The following SLC13A3 variants were observed in gnomAD, a reference collection of about 807,000 sequenced individuals.
The protein encoded by SLC13A3 is Na(+)/dicarboxylate cotransporter 3.
SLC13A3 carries 40 observed loss-of-function variants against 59.0 expected under a neutral mutation model. That is an observed-to-expected ratio of 0.68 (90% confidence interval 0.53 to 0.88). SLC13A3 has a LOEUF of 0.88. Ranked by LOEUF, SLC13A3 falls within the 40% of genes least tolerant of loss-of-function variation. The pLI, the probability that SLC13A3 is intolerant of heterozygous loss-of-function variation, is 0.00. For missense variants in SLC13A3, 699 were observed against 783.2 expected (o/e 0.89, Z 1.28); for synonymous variants, 317 against 330.3 (o/e 0.96, Z 0.44).
At chr20:46,563,089 C>T (rs910391390) in intron 12 of SLC13A3, among the ~76,000 whole-genome samples, 1 of 152,122 alleles carries the variant, frequency 6.6e-6, no homozygotes, top group African/African-American at 2.4e-5. Flanking sequence ...GCACTGAGGC[C>T]CACCCCTGAG....
At chr20:46,561,356 T>C (rs1215122382) in intron 12 of SLC13A3, among the ~76,000 whole-genome samples, 1 of 152,186 alleles carries the variant, frequency 6.6e-6, no homozygotes, top group Non-Finnish European at 1.5e-5. Flanking sequence ...CACAGGCGTA[T>C]GTCCTTAACT....
chr20:46,647,437 C>T (rs1235627890), intron 1 of SLC13A3, among the ~76,000 whole-genome samples: 1 of 152,138 alleles, frequency 6.6e-6, no homozygotes. Context: ...CCCATCTGTG[C>T]CCACTAGCTA....
intron 1 of SLC13A3, among the ~76,000 whole-genome samples, chr20:46,647,866 G>A (rs568723461): frequency 6.6e-6 from 1 of 152,122 alleles, no homozygotes; most frequent in African/African-American, 2.4e-5. Flanking sequence ...CACACTGCCT[G>A]GTAAATGACA....
chr20:46,588,247 G>T, intron 7 of SLC13A3, 84 bp from the exon 8 acceptor site: 1 of 750,514 alleles, frequency 1.3e-6, no homozygotes, highest in East Asian at 2.7e-5. Context: ...GCTGCCCACT[G>T]GGAGTGACTG....
upstream of SLC13A3, among the ~76,000 whole-genome samples, chr20:46,654,198 T>C (rs1015445539): frequency 1.3e-5 from 2 of 152,234 alleles, no homozygotes; most frequent in Non-Finnish European, 1.5e-5. Flanking sequence ...CTAATGATTA[T>C]TGATGTTGAA....
intron 9 of SLC13A3, among the ~76,000 whole-genome samples, chr20:46,578,106 T>C (rs1235260095): frequency 6.6e-6 from 1 of 151,928 alleles, no homozygotes; most frequent in Non-Finnish European, 1.5e-5. Context: ...TTGTGTATTT[T>C]TTTTTAGTAG....
At chr20:46,574,134 T>C (rs2062052365) in intron 10 of SLC13A3, among the ~76,000 whole-genome samples, 1 of 152,160 alleles carries the variant, frequency 6.6e-6, no homozygotes. Context: ...TGATAGTAGC[T>C]GATTCAGTGG....
chr20:46,664,623 A>G (rs574358641), intron 1 of SLC13A3, among the ~76,000 whole-genome samples: 28 of 152,254 alleles, frequency 1.8e-4, no homozygotes, highest in Non-Finnish European at 2.6e-4. Context: ...AAATGAGTAA[A>G]ATGTATTATA....
intron 3 of SLC13A3, among the ~76,000 whole-genome samples, chr20:46,604,005 AAGAC>A (rs1241668273): frequency 5.3e-5 from 8 of 152,054 alleles, no homozygotes; most frequent in African/African-American, 1.7e-4. Context: ...AAAAAAAAAA[AAGAC>A]AGAAAGAATT....
chr20:46,578,849 G>A lies in SLC13A3; in HGVS notation c.1220-3164C>T, dbSNP rs60248404. ...TGAATGAAGTGATGGAGTGAGTCAC[G>A]AAGATCCCTAGAGGAACAGCTAGTT... is the stretch of plus-strand genomic sequence containing the variant. On this transcript the variant is annotated intron_variant, in intron 9 of 12. Transcript: ENST00000279027. Among the ~76,000 whole-genome samples the A allele has an allele frequency of 3.3e-5, 5 of 151,892 alleles. No homozygotes were observed. In the East Asian group the frequency reaches 5.8e-4, roughly 18 times the overall value.
chr20:46,584,099 A>G, intron 8 of SLC13A3: 1 of 985,358 alleles, frequency 1.0e-6, no homozygotes. Flanking sequence ...GCCCACTCAC[A>G]CCAGTGGAAC....
chr20:46,632,460 A>AG (rs5841651), intron 1 of SLC13A3, among the ~76,000 whole-genome samples: 1 of 131,528 alleles, frequency 7.6e-6, no homozygotes, highest in African/African-American at 3.2e-5. Context: ...CCAGCCCCCA[A>AG]GGGGGAAAAA....
At chr20:46,568,504 A>G (rs1179951742) in intron 10 of SLC13A3, among the ~76,000 whole-genome samples, 2 of 152,140 alleles carry the variant, frequency 1.3e-5, no homozygotes, top group Admixed American at 1.3e-4. Context: ...GTTACCTTCA[A>G]TGTAAGAATA....
intron 10 of SLC13A3, among the ~76,000 whole-genome samples, chr20:46,566,855 TA>T (rs1269367092): frequency 6.6e-6 from 1 of 150,792 alleles, no homozygotes; most frequent in Non-Finnish European, 1.5e-5. Flanking sequence ...ATACAAGACT[TA>T]CTATATATCA....
chr20:46,576,713 A>G (rs962768174), intron 9 of SLC13A3, among the ~76,000 whole-genome samples: 5 of 152,146 alleles, frequency 3.3e-5, no homozygotes, highest in African/African-American at 1.2e-4. Flanking sequence ...GCAGGCTGTG[A>G]CCAGGGAAGC....
chr20:46,569,361 G>A (rs1751309748), intron 10 of SLC13A3, among the ~76,000 whole-genome samples: 1 of 152,092 alleles, frequency 6.6e-6, no homozygotes, highest in Non-Finnish European at 1.5e-5. Context: ...GTATTCCCAG[G>A]GACTCCAGGG....
rs879413202 is a variant in SLC13A3 at position 46,580,247 on chromosome 20, C to A, written c.1219+3325G>T. Among the ~76,000 whole-genome samples the A allele has an allele frequency of 1.1e-4, 17 of 152,064 alleles. 1 individual carries two copies. Among genetic ancestry groups the A allele is most frequent in the Non-Finnish European group, 1.5e-5 (1 of 68,018 alleles). On this transcript the variant is annotated intron_variant, in intron 9 of 12. Coordinates refer to ENST00000279027, the MANE Select transcript of SLC13A3 (RefSeq NM_022829.6). ...CTGGGATTACAGGTGTGAGCCACTGCGCCCAGCCTCTCACCACTTCTTACT... is the reference window on the plus strand; with the variant it reads ...CTGGGATTACAGGTGTGAGCCACTGAGCCCAGCCTCTCACCACTTCTTACT...
In SLC13A3 at chr20:46,612,083, G is replaced by A. The variant is rs148288356; in HGVS notation, c.377+1377C>T. Among the ~76,000 whole-genome samples, 542 of 115,474 alleles carry A rather than the reference G, an allele frequency of 4.7e-3. 6 individuals carry two copies. The highest frequency in any genetic ancestry group is 0.017 in the African/African-American group (502 of 28,724). The allele number at this position is 115,474 out of a possible 152,430, so 75.8% of individuals were successfully genotyped here. ...TTTTCTCTTTCTTTTTTTTCTTTCT[G>A]TCTTTTCTTTTCTTTCTTTCTCTCT... On this transcript the variant is annotated intron_variant, in intron 2 of 12. Transcript: ENST00000279027.
intron 12 of SLC13A3, 50 bp from the exon 13 acceptor site, chr20:46,560,248 C>T (rs766384867): frequency 1.3e-6 from 2 of 1,546,370 alleles, no homozygotes; most frequent in South Asian, 2.3e-5. Context: ...ACCCACCATA[C>T]AGATGGAAAC....
Sources: allele counts gnomAD v4.1 joint callset (sites outside exome capture counted in the v4.1 genomes callset), GRCh38; gene constraint gnomAD v4.1.1; transcripts MANE v1.5; gene names NCBI Gene and HGNC (gene_info 2026-07-23, HGNC 2026-07-21).